The following COMMD10 variants were observed in gnomAD, a reference collection of about 807,000 sequenced individuals.
The protein encoded by COMMD10 is COMM domain containing 10.
Under a neutral mutation model 28.9 loss-of-function variants are expected in COMMD10, and 33 were observed. That is an observed-to-expected ratio of 1.14 (90% confidence interval 0.87 to 1.53). The LOEUF (loss-of-function observed/expected upper bound fraction) is 1.53, where lower values mean the gene tolerates loss of function less well. Ranked by LOEUF, COMMD10 falls within the 40% of genes most tolerant of loss-of-function variation. COMMD10 has a pLI of 0.00. For synonymous variants in COMMD10, 110 were observed against 81.7 expected (o/e 1.35, Z -1.87); for missense variants, 310 against 233.4 (o/e 1.33, Z -2.14).
At chr5:116,185,774 C>G (rs1278426020) in intron 5 of COMMD10, among the ~76,000 whole-genome samples, 1 of 152,102 alleles carries the variant, frequency 6.6e-6, no homozygotes, top group Non-Finnish European at 1.5e-5. Context: ...TACATCTTGC[C>G]TCTGATTGCT....
At chr5:116,289,416 C>G (rs1205214160) in intron 5 of COMMD10, among the ~76,000 whole-genome samples, 2 of 151,840 alleles carry the variant, frequency 1.3e-5, no homozygotes, top group East Asian at 3.9e-4. Flanking sequence ...TTCACTAATA[C>G]CCCAGCTGGG....
chr5:116,107,745 TGGA>T (rs144104184), intron 4 of COMMD10, among the ~76,000 whole-genome samples: 15,882 of 152,122 alleles, frequency 0.1, 1,170 homozygotes, highest in African/African-American at 0.2. Flanking sequence ...TGTGATCCTT[TGGA>T]GGAGAAGAGC....
intron 5 of COMMD10, among the ~76,000 whole-genome samples, chr5:116,217,600 T>A (rs1749138792): frequency 6.6e-6 from 1 of 152,180 alleles, no homozygotes; most frequent in Non-Finnish European, 1.5e-5. Flanking sequence ...CCTGACACAC[T>A]GGTAACCAAT....
chr5:116,158,027 G>A (rs1752779444), intron 5 of COMMD10, among the ~76,000 whole-genome samples: 1 of 150,358 alleles, frequency 6.7e-6, no homozygotes, highest in African/African-American at 2.5e-5. Context: ...GTTACCTTTT[G>A]GGCTGCCATT....
intron 5 of COMMD10, among the ~76,000 whole-genome samples, chr5:116,150,283 G>C (rs1347662616): frequency 2.0e-5 from 3 of 152,138 alleles, no homozygotes; most frequent in Non-Finnish European, 4.4e-5. Context: ...TTTGAAGTCA[G>C]GTAGTGTGAT....
At position 116,230,316 on chromosome 5, in the gene COMMD10, C is replaced by A. The variant is rs113728621; in HGVS notation, c.511-61201C>A. On this transcript the variant is annotated intron_variant, in intron 5 of 6. Coordinates refer to ENST00000274458, the MANE Select transcript of COMMD10 (RefSeq NM_016144.4). ...ATACTATTAAGATTGAGCCGGGGAACCTTCTCCTATTCTTTGCTCTTCAGA... is the reference window on the plus strand; with the variant it reads ...ATACTATTAAGATTGAGCCGGGGAAACTTCTCCTATTCTTTGCTCTTCAGA... Among the ~76,000 whole-genome samples the A allele has an allele frequency of 7.8e-3, 1,185 of 152,046 alleles. 3 individuals carry two copies. The highest frequency in any genetic ancestry group is 0.013 in the Non-Finnish European group (869 of 67,924).
intron 5 of COMMD10, among the ~76,000 whole-genome samples, chr5:116,195,872 A>T (rs1748503560): frequency 1.3e-5 from 2 of 152,230 alleles, no homozygotes; most frequent in Admixed American, 1.3e-4. Flanking sequence ...TACAAATCAA[A>T]ACCACAATGC....
At chr5:116,125,592 G>A (rs933484299) in intron 4 of COMMD10, among the ~76,000 whole-genome samples, 2 of 152,030 alleles carry the variant, frequency 1.3e-5, no homozygotes, top group Admixed American at 6.6e-5. Context: ...TTTGAATGTT[G>A]GTCTGCCTTG....
At chr5:116,290,987 A>C (rs1046351901) in intron 5 of COMMD10, among the ~76,000 whole-genome samples, 2 of 152,152 alleles carry the variant, frequency 1.3e-5, no homozygotes, top group African/African-American at 4.8e-5. Context: ...CCTGACTTTG[A>C]AACTGTTGTG....
intron 4 of COMMD10, among the ~76,000 whole-genome samples, chr5:116,116,332 G>T (rs1361387338): frequency 6.6e-6 from 1 of 151,950 alleles, no homozygotes; most frequent in East Asian, 1.9e-4. Flanking sequence ...TCTTTAATTT[G>T]ATTTCATTTC....
At chr5:116,099,872 A>C (rs1226340693) in intron 4 of COMMD10, among the ~76,000 whole-genome samples, 1 of 152,156 alleles carries the variant, frequency 6.6e-6, no homozygotes, top group Non-Finnish European at 1.5e-5. Context: ...GTTTACAAAT[A>C]CAGGTTGGGT....
chr5:116,130,491 A>T (rs1199241542), intron 4 of COMMD10, among the ~76,000 whole-genome samples: 1 of 151,974 alleles, frequency 6.6e-6, no homozygotes, highest in African/African-American at 2.4e-5. Context: ...TCTTACTGTT[A>T]GTTGAGGCCA....
intron 4 of COMMD10, among the ~76,000 whole-genome samples, chr5:116,094,201 A>G (rs1226989338): frequency 6.6e-6 from 1 of 152,212 alleles, no homozygotes; most frequent in Non-Finnish European, 1.5e-5. Flanking sequence ...TCTTCTGTAC[A>G]TTAGAGGAAA....
At chr5:116,101,683 C>A (rs1307930832) in intron 4 of COMMD10, among the ~76,000 whole-genome samples, 1 of 152,178 alleles carries the variant, frequency 6.6e-6, no homozygotes, top group Non-Finnish European at 1.5e-5. Flanking sequence ...CCTCAGCCTC[C>A]CAAAGTGTGG....
At chr5:116,149,488 C>G (rs1441283963) in intron 5 of COMMD10, among the ~76,000 whole-genome samples, 5 of 146,350 alleles carry the variant, frequency 3.4e-5, no homozygotes, top group Admixed American at 3.4e-4. Context: ...TAAAAGTGTT[C>G]CTATTTCTCC....
At chr5:116,158,117 C>G (rs777710132) in intron 5 of COMMD10, among the ~76,000 whole-genome samples, 1 of 146,154 alleles carries the variant, frequency 6.8e-6, no homozygotes, top group Non-Finnish European at 1.5e-5. Flanking sequence ...CCTGCAGATT[C>G]CTTCCTCCCT....
chr5:116,103,183 C>T (rs2112725177), intron 4 of COMMD10, among the ~76,000 whole-genome samples: 1 of 152,026 alleles, frequency 6.6e-6, no homozygotes, highest in East Asian at 1.9e-4. Context: ...GGGTATATAC[C>T]CAGTAATGGG....
At chr5:116,234,700 A>G (rs1357031369) in intron 5 of COMMD10, among the ~76,000 whole-genome samples, 1 of 152,310 alleles carries the variant, frequency 6.6e-6, no homozygotes, top group East Asian at 1.9e-4. Context: ...ACACAGATCG[A>G]GTTAGGAACT....
chr5:116,166,727 C>G (rs1035502391), intron 5 of COMMD10, among the ~76,000 whole-genome samples: 2 of 152,138 alleles, frequency 1.3e-5, no homozygotes, highest in Non-Finnish European at 2.9e-5. Context: ...CTCCAGCAAA[C>G]TCCAGCAGAC....
Sources: gnomAD v4.1 joint callset for allele counts (sites outside exome capture counted in the v4.1 genomes callset) on GRCh38, gnomAD v4.1.1 for gene constraint, MANE v1.5 for transcripts, NCBI Gene and HGNC (gene_info 2026-07-23, HGNC 2026-07-21) for gene names.